ZNF385B: variants seen among roughly 807,000 people sequenced by gnomAD.
ZNF385B encodes the protein zinc finger protein 385B, also known as zinc finger protein 533.
A neutral mutation model predicts 39.2 loss-of-function variants in ZNF385B; 23 were observed. The observed-to-expected ratio is 0.59, with a 90% CI of 0.42 to 0.83. The LOEUF is 0.83. ZNF385B is among the 40% of genes least tolerant of loss of function. The pLI is 0.00. For synonymous variants in ZNF385B, 205 were observed against 222.6 expected, an observed-to-expected ratio of 0.92 and a Z score of 0.70; for missense variants, 552 against 598.9, an observed-to-expected ratio of 0.92 and a Z score of 0.82.
intron 3 of ZNF385B, among the ~76,000 whole-genome samples, chr2:179,591,301 T>C (rs1687542723): frequency 6.6e-6 from 1 of 152,110 alleles, no homozygotes; most frequent in East Asian, 1.9e-4. Flanking sequence ...AGCTTTCCAG[T>C]AGTTCTTAGA....
rs570954604 is a variant in ZNF385B, at chr2:179,712,259, A to G, written c.298+57244T>C. Among the ~76,000 whole-genome samples the G allele has an allele frequency of 1.2e-4, 19 of 152,318 alleles. 1 individual carries two copies. The South Asian group carries it at 3.7e-3, about 30-fold the overall frequency. On this transcript the variant is annotated intron_variant, in intron 3 of 9. Transcript: ENST00000410066. Reference sequence around the variant, plus strand: ...CAATCCCCAATCTTCAAAATTTCATAGTAAACTTTCTACATTTTCTTAATC... The same window carrying G: ...CAATCCCCAATCTTCAAAATTTCATGGTAAACTTTCTACATTTTCTTAATC...
At chr2:179,605,171 T>G (rs1466152935) in intron 3 of ZNF385B, among the ~76,000 whole-genome samples, 2 of 152,142 alleles carry the variant, frequency 1.3e-5, no homozygotes, top group Non-Finnish European at 2.9e-5. Flanking sequence ...AATAACAGAT[T>G]TTTTATAGAA....
intron 1 of ZNF385B, among the ~76,000 whole-genome samples, chr2:179,798,137 T>C (rs1279729796): frequency 6.6e-6 from 1 of 152,102 alleles, no homozygotes; most frequent in Non-Finnish European, 1.5e-5. Context: ...TGTTTCGATC[T>C]ATTACTGATA....
At chr2:179,543,297 TA>T (rs1429101142) in intron 4 of ZNF385B, among the ~76,000 whole-genome samples, 1 of 151,878 alleles carries the variant, frequency 6.6e-6, no homozygotes, top group African/African-American at 2.4e-5. Context: ...AAATAAAAAG[TA>T]AAAGAAAATA....
chr2:179,493,651 A>G (rs112467598), intron 5 of ZNF385B, among the ~76,000 whole-genome samples: 41,041 of 112,778 alleles, frequency 0.36, 6,635 homozygotes, highest in Middle Eastern at 0.42. Context: ...ACATATGCGT[A>G]TACATATATG....
chr2:179,781,430 G>A (rs1704657179), intron 1 of ZNF385B, among the ~76,000 whole-genome samples: 1 of 152,096 alleles, frequency 6.6e-6, no homozygotes, highest in Admixed American at 6.6e-5. Flanking sequence ...TTCAATGAAT[G>A]GAGTAAGTTG....
chr2:179,744,504 G>A (rs1389880593), intron 3 of ZNF385B, among the ~76,000 whole-genome samples: 2 of 152,010 alleles, frequency 1.3e-5, no homozygotes, highest in African/African-American at 2.4e-5. Context: ...CAAGATAGTG[G>A]CCCTGGGACT....
intron 3 of ZNF385B, among the ~76,000 whole-genome samples, chr2:179,727,330 C>T (rs573045886): frequency 4.6e-5 from 7 of 151,960 alleles, no homozygotes; most frequent in African/African-American, 1.2e-4. Flanking sequence ...AAAATACCAC[C>T]GATTTAATTT....
intron 3 of ZNF385B, among the ~76,000 whole-genome samples, chr2:179,660,629 T>A (rs960443154): frequency 6.6e-6 from 1 of 152,220 alleles, no homozygotes; most frequent in Non-Finnish European, 1.5e-5. Context: ...TTCGGTGCTA[T>A]GAGCTTGAAC....
At chr2:179,816,719 T>C (rs1157492470) in intron 1 of ZNF385B, among the ~76,000 whole-genome samples, 1 of 152,176 alleles carries the variant, frequency 6.6e-6, no homozygotes, top group African/African-American at 2.4e-5. Flanking sequence ...ACTAAGAAAG[T>C]GACTGAATAA....
intron 3 of ZNF385B, among the ~76,000 whole-genome samples, chr2:179,762,678 T>C (rs1180536164): frequency 6.6e-6 from 1 of 152,190 alleles, no homozygotes; most frequent in East Asian, 1.9e-4. Flanking sequence ...TGTTGTCTGA[T>C]TTGGGTATTA....
intron 3 of ZNF385B, among the ~76,000 whole-genome samples, chr2:179,588,468 A>G (rs1037651556): frequency 2.0e-5 from 3 of 152,190 alleles, no homozygotes; most frequent in African/African-American, 7.2e-5. Context: ...TTTATTGAAC[A>G]TGCTAGAAGT....
At chr2:179,629,336 C>T (rs915684597) in intron 3 of ZNF385B, among the ~76,000 whole-genome samples, 1 of 152,192 alleles carries the variant, frequency 6.6e-6, no homozygotes, top group African/African-American at 2.4e-5. Context: ...CAATTTATTA[C>T]AGGATCTGTC....
chr2:179,541,887 C>T (rs565728026), intron 4 of ZNF385B, among the ~76,000 whole-genome samples: 2 of 152,162 alleles, frequency 1.3e-5, no homozygotes, highest in South Asian at 2.1e-4. Context: ...GACTCAAGGA[C>T]GTAAAGAGCC....
At chr2:179,633,574 T>C (rs188137712) in intron 3 of ZNF385B, among the ~76,000 whole-genome samples, 5,627 of 152,248 alleles carry the variant, frequency 0.037, 145 homozygotes, top group Middle Eastern at 0.065. Flanking sequence ...AAGCTATTTA[T>C]GACAAACCCA....
intron 4 of ZNF385B, among the ~76,000 whole-genome samples, chr2:179,519,903 C>T (rs75406069): frequency 2.0e-5 from 3 of 152,096 alleles, no homozygotes; most frequent in African/African-American, 4.8e-5. Flanking sequence ...AAGCTAAATA[C>T]ATTAGAAAGG....
At chr2:179,668,538 T>A (rs958895232) in intron 3 of ZNF385B, among the ~76,000 whole-genome samples, 7 of 125,710 alleles carry the variant, frequency 5.6e-5, no homozygotes, top group African/African-American at 2.3e-4. Context: ...ATTTTCTCTA[T>A]TTTTGTTTGC....
At chr2:179,748,466 A>C (rs952096268) in intron 3 of ZNF385B, among the ~76,000 whole-genome samples, 1 of 152,088 alleles carries the variant, frequency 6.6e-6, no homozygotes, top group Admixed American at 6.6e-5. Context: ...TTCTCATTGT[A>C]CCCAAAAGCA....
rs1054318923 is a variant in ZNF385B, at chr2:179,556,374, T to A, written c.299-11405A>T. On this transcript the variant is annotated intron_variant, in intron 3 of 9. Transcript: ENST00000410066. ...CTGAATTTAAAATATTTTTCCTTTA[T>A]CGTAGTTTCTCAGCTTATAACCCAA... Among the ~76,000 whole-genome samples, 22 of 149,718 alleles carry A rather than the reference T, an allele frequency of 1.5e-4. 3 individuals are homozygous for A. Among genetic ancestry groups the A allele is most frequent in the African/African-American group, 5.0e-4 (20 of 39,864 alleles).
Sources: allele counts gnomAD v4.1 joint callset (sites outside exome capture counted in the v4.1 genomes callset), GRCh38; gene constraint gnomAD v4.1.1; transcripts MANE v1.5; gene names NCBI Gene and HGNC (gene_info 2026-07-23, HGNC 2026-07-21).